The following IL7 variants were observed in gnomAD, a reference collection of about 807,000 sequenced individuals.
IL7 encodes the protein interleukin-7.
IL7 carries 3 observed loss-of-function variants against 21.6 expected under a neutral mutation model. The ratio of observed to expected loss-of-function variants is 0.14; its 90% CI spans 0.06 to 0.36. IL7 has a LOEUF of 0.36. Ranked by LOEUF, IL7 falls within the 10% of genes least tolerant of loss-of-function variation. The pLI, the probability that IL7 is intolerant of heterozygous loss-of-function variation, is 1.00. For synonymous variants in IL7, 62 were observed against 68.1 expected (o/e 0.91, Z 0.44); for missense variants, 175 against 200.2 (o/e 0.87, Z 0.76).
At chr8:78,755,208 T>C (rs1335361764) in intron 2 of IL7, among the ~76,000 whole-genome samples, 1 of 151,894 alleles carries the variant, frequency 6.6e-6, no homozygotes, top group African/African-American at 2.4e-5. Flanking sequence ...TTTATACCAG[T>C]GCTATGTTGT....
At chr8:78,722,938 G>A (rs1811267917) in intron 3 of IL7, among the ~76,000 whole-genome samples, 1 of 151,418 alleles carries the variant, frequency 6.6e-6, no homozygotes, top group Non-Finnish European at 1.5e-5. Context: ...ATTTGATAAG[G>A]CACTTTAAAG....
chr8:78,738,003 C>T (rs2130680891), intron 4 of IL7, among the ~76,000 whole-genome samples: 1 of 152,104 alleles, frequency 6.6e-6, no homozygotes, highest in East Asian at 1.9e-4. Flanking sequence ...AGTTCATAAC[C>T]ACTAGTAGAA....
chr8:78,766,318 C>A (rs920326531), intron 2 of IL7, among the ~76,000 whole-genome samples: 6 of 152,000 alleles, frequency 3.9e-5, no homozygotes, highest in Non-Finnish European at 8.8e-5. Flanking sequence ...TTAATCTAAA[C>A]TATAGACTTT....
At chr8:78,788,155 TC>T (rs1813572073) in intron 2 of IL7, among the ~76,000 whole-genome samples, 1 of 152,198 alleles carries the variant, frequency 6.6e-6, no homozygotes, top group Non-Finnish European at 1.5e-5. Context: ...ATTTTCGTGG[TC>T]AGCCTGGCTG....
chr8:78,761,003 G>A, intron 2 of IL7: 8 of 1,605,020 alleles, frequency 5.0e-6, no homozygotes, highest in Non-Finnish European at 6.8e-6. Flanking sequence ...ATCAAAATCT[G>A]TTACTGCACT....
In IL7 at chr8:78,719,773, T is replaced by C. The variant is rs556535602; in HGVS notation, n.477-663A>G. The stretch of plus-strand genomic sequence containing the variant: ...AGACATGAAGCATAAAAATGCTAGT[T>C]CGTATTCACTGATGTCTTTTAGCCA... On this transcript the variant is annotated intron_variant and non_coding_transcript_variant, in intron 5 of 6. Coordinates refer to the IL7 transcript ENST00000519833. The C allele has an allele frequency of 1.7e-4, 26 of 151,898 alleles. No homozygotes were observed. The South Asian group carries it at 3.3e-3, about 19-fold the overall frequency. 9.4% of individuals were successfully genotyped at this position (151,898 alleles called of 1,614,324 possible).
intron 3 of IL7, chr8:78,712,241 A>T: frequency 5.2e-6 from 2 of 387,288 alleles, no homozygotes; most frequent in Non-Finnish European, 8.8e-6. Context: ...AAAATGTGTC[A>T]AATAATCTAG....
At chr8:78,796,780 T>C (rs1173654479) in intron 2 of IL7, among the ~76,000 whole-genome samples, 1 of 152,112 alleles carries the variant, frequency 6.6e-6, no homozygotes, top group East Asian at 1.9e-4. Flanking sequence ...ATGGAAGGCA[T>C]TAGGATCTCA....
At chr8:78,740,780 G>T (rs1221682851) in intron 2 of IL7, among the ~76,000 whole-genome samples, 1 of 152,122 alleles carries the variant, frequency 6.6e-6, no homozygotes, top group Non-Finnish European at 1.5e-5. Context: ...TTTCTGGGAT[G>T]GTTGAGGTAG....
intron 2 of IL7, among the ~76,000 whole-genome samples, chr8:78,776,535 T>C (rs1813144942): frequency 6.6e-6 from 1 of 152,088 alleles, no homozygotes; most frequent in South Asian, 2.1e-4. Context: ...CTCTCATAAA[T>C]CACACAATTT....
downstream of IL7, chr8:78,715,309 A>G (rs1016980682): frequency 3.1e-6 from 5 of 1,613,462 alleles, no homozygotes; most frequent in Non-Finnish European, 4.2e-6. Context: ...AAAAACATAT[A>G]CTGAGAGCTA....
At chr8:78,676,154 T>C (rs1809573299) in intron 4 of IL7, 1 of 218,114 alleles carries the variant, frequency 4.6e-6, no homozygotes, top group African/African-American at 2.3e-5. Flanking sequence ...TCAGATACCT[T>C]AGAAATAAGT....
At chr8:78,768,189 G>T (rs1430067126) in intron 2 of IL7, among the ~76,000 whole-genome samples, 1 of 152,128 alleles carries the variant, frequency 6.6e-6, no homozygotes, top group Non-Finnish European at 1.5e-5. Flanking sequence ...ATTTGGGTTG[G>T]TTCCAAGTCT....
At chr8:78,747,610 C>T (rs1812027999) in intron 2 of IL7, among the ~76,000 whole-genome samples, 2 of 152,056 alleles carry the variant, frequency 1.3e-5, no homozygotes, top group Admixed American at 6.6e-5. Flanking sequence ...ACAATTTTTA[C>T]CATTTGTCAG....
In IL7 at chr8:78,722,453, G is replaced by A. The variant is rs187350380; in HGVS notation, n.268-1013C>T. 5.9e-4 allele frequency among the ~76,000 whole-genome samples: 90 copies of A among 151,430 alleles called. 1 individual carries two copies. The highest frequency in any genetic ancestry group is 2.8e-3 in the Admixed American group (43 of 15,182). On this transcript the variant is annotated intron_variant and non_coding_transcript_variant, in intron 3 of 6. Coordinates refer to the IL7 transcript ENST00000519833. ...ATTTATTTTGCACATTTTAAAAATC[G>A]CAATTTTCAGGATGTGTAAGAAAAC...
downstream of IL7, chr8:78,715,303 A>G (rs1811065947): frequency 1.2e-6 from 2 of 1,613,636 alleles, no homozygotes; most frequent in Non-Finnish European, 1.7e-6. Context: ...CAAAAGAAAA[A>G]CATATACTGA....
intron 2 of IL7, chr8:78,761,237 A>G: frequency 6.2e-7 from 1 of 1,604,094 alleles, no homozygotes; most frequent in Admixed American, 1.7e-5. Flanking sequence ...TTCTAAAAGC[A>G]GTTGTGGTGA....
intron 2 of IL7, among the ~76,000 whole-genome samples, chr8:78,772,269 G>T (rs1812982751): frequency 6.6e-6 from 1 of 152,162 alleles, no homozygotes; most frequent in African/African-American, 2.4e-5. Flanking sequence ...TAATAGAAGA[G>T]TTGACAATAT....
intron 4 of IL7, chr8:78,678,446 T>C: frequency 1.4e-6 from 1 of 710,264 alleles, no homozygotes; most frequent in East Asian, 2.6e-5. Context: ...TATTATTTTG[T>C]ATTCAGGTTT....
Sources: gnomAD v4.1 joint callset for allele counts (sites outside exome capture counted in the v4.1 genomes callset) on GRCh38, gnomAD v4.1.1 for gene constraint, MANE v1.5 for transcripts, NCBI Gene and HGNC (gene_info 2026-07-23, HGNC 2026-07-21) for gene names.